The following RAB3GAP1 variants were observed in gnomAD, a reference collection of about 807,000 sequenced individuals.
RAB3GAP1 encodes rab3 GTPase-activating protein catalytic subunit.
RAB3GAP1 carries 86 observed loss-of-function variants against 130.7 expected under a neutral mutation model. The observed-to-expected ratio is 0.66, with a 90% CI of 0.55 to 0.79. RAB3GAP1 has a LOEUF of 0.79. Ranked by LOEUF, RAB3GAP1 falls within the 30% of genes least tolerant of loss-of-function variation. RAB3GAP1 has a pLI of 0.00. For missense variants in RAB3GAP1, 1,029 were observed against 1,169.4 expected (o/e 0.88, Z 1.75); for synonymous variants, 367 against 401.7 (o/e 0.91, Z 1.03).
At chr2:135,145,389 CACACACACAT>C (rs911504142) in intron 17 of RAB3GAP1, among the ~76,000 whole-genome samples, 1 of 142,764 alleles carries the variant, frequency 7.0e-6, no homozygotes, top group African/African-American at 2.8e-5. Context: ...CTCACCAACA[CACACACACAT>C]ACACACACAC....
downstream of RAB3GAP1, among the ~76,000 whole-genome samples, chr2:135,174,530 C>T (rs113216686): frequency 4.1e-3 from 617 of 152,326 alleles, 3 homozygotes; most frequent in African/African-American, 0.014. Context: ...AGAAAGGTGG[C>T]CTCGGCTGTG....
In RAB3GAP1 at chr2:135,120,980, G is replaced by A. The variant is rs1043073596; in HGVS notation, c.748+62G>A. On this transcript the variant is annotated intron_variant, in intron 8 of 23. Coordinates refer to ENST00000264158, the MANE Select transcript of RAB3GAP1 (RefSeq NM_012233.3). ...ATAAATGGAAAAGAAGATACATTCA[G>A]AAATTAAAATTACTTAACAAGAGTT... 4 of 1,194,518 alleles carry A rather than the reference G, an allele frequency of 3.3e-6. No homozygotes were observed. In the African/African-American group the frequency reaches 6.0e-5, roughly 18 times the overall value. 74.0% of individuals were successfully genotyped at this position (1,194,518 alleles called of 1,614,324 possible). A position where few individuals can be genotyped will look rare whatever the true frequency, so the allele number is the denominator to read the frequency against.
chr2:135,073,300 A>G (rs1464636188), intron 3 of RAB3GAP1, among the ~76,000 whole-genome samples: 4 of 152,200 alleles, frequency 2.6e-5, no homozygotes, highest in Admixed American at 6.5e-5. Flanking sequence ...GGAGATTAGT[A>G]CAGAGTAGGC....
chr2:135,089,136 GTTAAA>G (rs1167951484), intron 3 of RAB3GAP1, among the ~76,000 whole-genome samples: 1 of 150,942 alleles, frequency 6.6e-6, no homozygotes, highest in African/African-American at 2.5e-5. Flanking sequence ...AGCACGATTT[GTTAAA>G]TAGGGAATCC....
intron 3 of RAB3GAP1, among the ~76,000 whole-genome samples, chr2:135,068,437 G>C (rs146534915): frequency 1.3e-4 from 19 of 151,550 alleles, no homozygotes; most frequent in African/African-American, 4.6e-4. Flanking sequence ...AAAGGAAGTA[G>C]ACTATAAAAA....
chr2:135,134,149 C>A, intron 15 of RAB3GAP1, 116 bp downstream of exon 15: 1 of 1,165,900 alleles, frequency 8.6e-7, no homozygotes, highest in Non-Finnish European at 1.2e-6. Flanking sequence ...TGGCAAGAAG[C>A]TTAGACATGA....
intron 5 of RAB3GAP1, among the ~76,000 whole-genome samples, chr2:135,095,945 A>T (rs890286854): frequency 6.6e-5 from 10 of 152,214 alleles, no homozygotes; most frequent in African/African-American, 1.9e-4. Context: ...TTATTACAAA[A>T]TATTGTCGTA....
At chr2:135,175,113 T>C (rs548325082), downstream of RAB3GAP1, among the ~76,000 whole-genome samples, 3 of 152,324 alleles carry the variant, frequency 2.0e-5, no homozygotes, top group South Asian at 4.1e-4. Flanking sequence ...GAAATCCCCA[T>C]TGGGGGTTAG....
intron 3 of RAB3GAP1, among the ~76,000 whole-genome samples, chr2:135,083,776 T>G (rs1441936283): frequency 6.7e-6 from 1 of 149,966 alleles, no homozygotes; most frequent in East Asian, 1.9e-4. Flanking sequence ...GGTTTTTTTT[T>G]TTTTTTTTTT....
chr2:135,071,532 TAA>T (rs60734828), intron 3 of RAB3GAP1, among the ~76,000 whole-genome samples: 121 of 141,046 alleles, frequency 8.6e-4, no homozygotes, highest in Middle Eastern at 3.6e-3. Context: ...AGTCGTAGGT[TAA>T]AAAAAAAAAA....
rs1690128020 is a variant in RAB3GAP1 at position 135,091,021 on chromosome 2, G to A, written c.174G>A (p.Trp58Ter). 5 of 1,612,400 alleles carry A rather than the reference G, an allele frequency of 3.1e-6. No individual in the cohort carries two copies. Among genetic ancestry groups the A allele is most frequent in the Non-Finnish European group, 3.4e-6 (4 of 1,178,734 alleles). ...LEKGIFTSGT[W>*]EEKSDEISFA... ...AGGGTATATTTACTTCTGGCACATGGGAAGAGAAATCAGATGAAATTTCCT... is the reference window on the plus strand; with the variant it reads ...AGGGTATATTTACTTCTGGCACATGAGAAGAGAAATCAGATGAAATTTCCT... The change falls in exon 4 of 24, where the codon TGG becomes TGA. Residue 58 changes from tryptophan (W) to a stop codon, truncating the protein, a stop_gained. Transcript: ENST00000264158. LOFTEE classifies it high-confidence loss of function.
At chr2:135,106,034 G>A (rs1423235536) in intron 5 of RAB3GAP1, among the ~76,000 whole-genome samples, 1 of 149,936 alleles carries the variant, frequency 6.7e-6, no homozygotes, top group East Asian at 2.0e-4. Context: ...CCCTCCGCCC[G>A]GCAGCCGCCC....
intron 7 of RAB3GAP1, among the ~76,000 whole-genome samples, chr2:135,117,465 T>TCTG (rs1338814353): frequency 1.5e-5 from 2 of 130,010 alleles, no homozygotes; most frequent in South Asian, 2.6e-4. Flanking sequence ...TGCTTCTGCT[T>TCTG]CTGCTTCTGC....
chr2:135,119,370 A>T (rs1445086358), intron 7 of RAB3GAP1, among the ~76,000 whole-genome samples: 1 of 152,200 alleles, frequency 6.6e-6, no homozygotes, highest in Non-Finnish European at 1.5e-5. Context: ...TTGGCCTCCC[A>T]AAGTGCTGGG....
downstream of RAB3GAP1, among the ~76,000 whole-genome samples, chr2:135,172,365 G>A (rs534292002): frequency 6.6e-6 from 1 of 152,026 alleles, no homozygotes; most frequent in Admixed American, 6.5e-5. Flanking sequence ...AACCTGGAAG[G>A]TGGAGGTTGC....
intron 17 of RAB3GAP1, among the ~76,000 whole-genome samples, chr2:135,146,741 C>A (rs946598570): frequency 1.4e-4 from 21 of 152,126 alleles, no homozygotes; most frequent in African/African-American, 5.1e-4. Context: ...AATGGAATAA[C>A]ATTTTTTGTG....
intron 3 of RAB3GAP1, among the ~76,000 whole-genome samples, chr2:135,065,615 A>T: frequency 6.6e-6 from 1 of 151,898 alleles, no homozygotes; most frequent in East Asian, 1.9e-4. Context: ...TTCCTTTTCA[A>T]TTTTTTTGTG....
At chr2:135,144,375 A>G (rs1346335346) in intron 17 of RAB3GAP1, among the ~76,000 whole-genome samples, 1 of 152,146 alleles carries the variant, frequency 6.6e-6, no homozygotes, top group Non-Finnish European at 1.5e-5. Context: ...ATGGGCTCAG[A>G]ATGGGGAGTG....
At chr2:135,052,509 A>G in intron 2 of RAB3GAP1, 24 bp downstream of exon 2, 1 of 1,612,694 alleles carries the variant, frequency 6.2e-7, no homozygotes, top group Non-Finnish European at 8.5e-7. Context: ...ATTTTTGGTT[A>G]CCAGCTCCCA....
Sources: gnomAD v4.1 joint callset for allele counts (sites outside exome capture counted in the v4.1 genomes callset) on GRCh38, gnomAD v4.1.1 for gene constraint, MANE v1.5 for transcripts, NCBI Gene and HGNC (gene_info 2026-07-23, HGNC 2026-07-21) for gene names.